NPIPB2: variants seen among roughly 807,000 people sequenced by gnomAD.
The protein encoded by NPIPB2 is nuclear pore complex-interacting protein family member B2.
A neutral mutation model predicts 30.8 loss-of-function variants in NPIPB2; 27 were observed. That is an observed-to-expected ratio of 0.88 (90% confidence interval 0.65 to 1.21). The LOEUF is 1.21. Among genes scored for constraint, NPIPB2 ranks in the 50% most tolerant of loss-of-function variants. The pLI, the probability that NPIPB2 is intolerant of heterozygous loss-of-function variation, is 0.00. For missense variants in NPIPB2, 440 were observed against 446.2 expected (o/e 0.99, Z 0.13); for synonymous variants, 147 against 162.0 (o/e 0.91, Z 0.70).
intron 2 of NPIPB2, among the ~76,000 whole-genome samples, chr16:11,936,221 T>A (rs551322431): frequency 6.6e-6 from 1 of 150,390 alleles, no homozygotes; most frequent in Admixed American, 6.7e-5. Flanking sequence ...GGGGAATCAC[T>A]TGAAGCCAGG....
Position 11,964,853 on chromosome 16 carries a change from T to C in NPIPB2, c.-584+11715A>G, listed in dbSNP as rs563151777. Among the ~76,000 whole-genome samples, 5 of 152,202 alleles carry C rather than the reference T, an allele frequency of 3.3e-5. No individual in the cohort carries two copies. The South Asian group carries it at 6.2e-4, about 19-fold the overall frequency. On this transcript the variant is annotated intron_variant, in intron 1 of 5. Coordinates refer to the NPIPB2 transcript ENST00000538896. ...TCCTGGGATTACAGGTGTGAACCCCTGCAGCTGGCCTCAATGTTAAGATCT... is the reference window on the plus strand; with the variant it reads ...TCCTGGGATTACAGGTGTGAACCCCCGCAGCTGGCCTCAATGTTAAGATCT...
chr16:11,970,825 C>T (rs556634815), intron 1 of NPIPB2, among the ~76,000 whole-genome samples: 24 of 151,726 alleles, frequency 1.6e-4, no homozygotes, highest in African/African-American at 4.3e-4. Flanking sequence ...TGAGCCACCG[C>T]GCCTGGCCTA....
chr16:11,964,229 G>GTTTT (rs11570128), intron 1 of NPIPB2, among the ~76,000 whole-genome samples: 1,527 of 151,850 alleles, frequency 0.01, 31 homozygotes, highest in African/African-American at 0.035. Flanking sequence ...TTTTAAAATG[G>GTTTT]TTTTATCTGC....
chr16:11,950,585 A>C (rs1037256908), intron 1 of NPIPB2, among the ~76,000 whole-genome samples: 1 of 151,912 alleles, frequency 6.6e-6, no homozygotes, highest in Non-Finnish European at 1.5e-5. Context: ...GTCCCTACCA[A>C]CTCAGAGCCC....
At chr16:11,967,984 G>C in intron 1 of NPIPB2, 1 of 957,020 alleles carries the variant, frequency 1.0e-6, no homozygotes, top group Non-Finnish European at 1.5e-6. Flanking sequence ...AACTCTTTAT[G>C]TTAGATATAT....
At chr16:11,966,201 C>G (rs758071191) in intron 1 of NPIPB2, 2 of 1,612,342 alleles carry the variant, frequency 1.2e-6, no homozygotes, top group African/African-American at 1.3e-5. Flanking sequence ...AAAGGTGTGA[C>G]CAATTCAGTG....
chr16:11,960,324 C>T (rs2055144073), intron 1 of NPIPB2, among the ~76,000 whole-genome samples: 1 of 151,366 alleles, frequency 6.6e-6, no homozygotes, highest in Non-Finnish European at 1.5e-5. Flanking sequence ...CTTTCTTCCC[C>T]TGGCTTCTGG....
intron 1 of NPIPB2, among the ~76,000 whole-genome samples, chr16:11,947,368 G>A (rs1044175370): frequency 5.4e-5 from 8 of 148,480 alleles, no homozygotes; most frequent in African/African-American, 2.0e-4. Context: ...TTTGAGAGAT[G>A]GAGTCTCGCT....
At chr16:11,967,693 G>C (rs780815996) in intron 1 of NPIPB2, 1 of 1,614,180 alleles carries the variant, frequency 6.2e-7, no homozygotes, top group East Asian at 2.2e-5. Flanking sequence ...TGCATCAAGA[G>C]CAAACCGAAG....
At chr16:11,932,457 C>A (rs1567464146) in intron 4 of NPIPB2, among the ~76,000 whole-genome samples, 1 of 151,542 alleles carries the variant, frequency 6.6e-6, no homozygotes, top group Non-Finnish European at 1.5e-5. Context: ...GCCTGGCCAA[C>A]ATGGTGAACC....
At chr16:11,941,335 G>C in intron 1 of NPIPB2, 2 of 408,458 alleles carry the variant, frequency 4.9e-6, no homozygotes, top group Non-Finnish European at 8.4e-6. Flanking sequence ...GACCGGGCCG[G>C]ATCTGAGTTG....
chr16:11,974,214 CATT>C (rs1023333003), intron 1 of NPIPB2, among the ~76,000 whole-genome samples: 1 of 152,104 alleles, frequency 6.6e-6, no homozygotes, highest in African/African-American at 2.4e-5. Context: ...GCCACTTTTT[CATT>C]ATTACAGAGA....
upstream of NPIPB2, among the ~76,000 whole-genome samples, chr16:11,944,733 CAAAAAAAAAAAA>C (rs56283093): frequency 4.3e-5 from 2 of 46,126 alleles, no homozygotes; most frequent in African/African-American, 1.2e-4. Context: ...GACTCCGTGT[CAAAAAAAAAAAA>C]AAAAAAAAAA....
At chr16:11,943,305 CGA>C (rs2054963477), upstream of NPIPB2, among the ~76,000 whole-genome samples, 1 of 152,032 alleles carries the variant, frequency 6.6e-6, no homozygotes, top group Non-Finnish European at 1.5e-5. Flanking sequence ...GGCGACAGAG[CGA>C]GACTCTGTCT....
chr16:11,975,340 G>C (rs908262594), intron 1 of NPIPB2, among the ~76,000 whole-genome samples: 1 of 147,086 alleles, frequency 6.8e-6, no homozygotes, highest in East Asian at 2.1e-4. Context: ...GTAGAGACGG[G>C]GTTTCACCGT....
chr16:11,960,181 C>A (rs1375635555), intron 1 of NPIPB2, among the ~76,000 whole-genome samples: 2 of 152,188 alleles, frequency 1.3e-5, no homozygotes, highest in African/African-American at 4.8e-5. Context: ...CAGTGACGAA[C>A]AGTTCTGTTG....
At chr16:11,959,076 C>T (rs1376255992) in intron 1 of NPIPB2, among the ~76,000 whole-genome samples, 2 of 152,116 alleles carry the variant, frequency 1.3e-5, no homozygotes, top group East Asian at 1.9e-4. Flanking sequence ...GGGCTCGGGC[C>T]GTGGCAGAAG....
At chr16:11,966,182 TC>T in intron 1 of NPIPB2, 1 of 1,603,696 alleles carries the variant, frequency 6.2e-7, no homozygotes, top group Non-Finnish European at 8.5e-7. Flanking sequence ...TGTCTGATGT[TC>T]TTTTCATAAA....
intron 1 of NPIPB2, chr16:11,965,335 T>C (rs766104779): frequency 1.2e-5 from 20 of 1,614,124 alleles, no homozygotes; most frequent in Non-Finnish European, 1.6e-5. Context: ...ATGTTGCAGA[T>C]GGCTGGGCAG....
Sources: allele counts gnomAD v4.1 joint callset (sites outside exome capture counted in the v4.1 genomes callset), GRCh38; gene constraint gnomAD v4.1.1; transcripts MANE v1.5; gene names NCBI Gene and HGNC (gene_info 2026-07-23, HGNC 2026-07-21).